The following ACLY variants were observed in gnomAD, a reference collection of about 807,000 sequenced individuals.
The protein encoded by ACLY is ATP-citrate synthase.
Under a neutral mutation model 133.0 loss-of-function variants are expected in ACLY, and 41 were observed. That is an observed-to-expected ratio of 0.31 (90% CI 0.24 to 0.40). The LOEUF (loss-of-function observed/expected upper bound fraction) is 0.40, where lower values mean the gene tolerates loss of function less well. ACLY is among the 10% of genes least tolerant of loss of function. The probability of loss-of-function intolerance (pLI) is 1.00; values close to 1 mark genes in which losing one functional copy is unlikely to be tolerated. For synonymous variants in ACLY, 495 were observed against 549.3 expected (o/e 0.90, Z 1.38); for missense variants, 1,046 against 1,453.8 (o/e 0.72, Z 4.56).
intron 22 of ACLY, among the ~76,000 whole-genome samples, chr17:41,876,105 C>A (rs1178081432): frequency 3.3e-5 from 5 of 150,962 alleles, no homozygotes; most frequent in African/African-American, 1.2e-4. Context: ...TGGCAACCGC[C>A]CCGTCTGAGA....
rs781911307 is a variant in ACLY at position 41,869,208 on chromosome 17, C to G, written c.3052-83G>C. 6 of 1,207,544 alleles carry G rather than the reference C, an allele frequency of 5.0e-6. No homozygotes were observed. In the South Asian group the frequency reaches 6.4e-5, roughly 13 times the overall value. The allele number at this position is 1,207,544 out of a possible 1,614,324, so 74.8% of individuals were successfully genotyped here. A position where few individuals can be genotyped will look rare whatever the true frequency, so the allele number is the denominator to read the frequency against. On this transcript the variant is annotated intron_variant, in intron 26 of 28. Transcript: ENST00000352035. ...TTTTCCACTGTCACTACTATTACTA[C>G]GAATTGTGACCATCATTTAAAAACC...
intron 14 of ACLY, among the ~76,000 whole-genome samples, chr17:41,893,579 G>A (rs977277741): frequency 3.9e-5 from 6 of 152,302 alleles, no homozygotes; most frequent in Admixed American, 6.5e-5. Flanking sequence ...TGCTTAGCTC[G>A]CCCAATTTTG....
At chr17:41,924,953 C>T (rs1301203594) in intron 1 of ACLY, among the ~76,000 whole-genome samples, 1 of 152,172 alleles carries the variant, frequency 6.6e-6, no homozygotes, top group Non-Finnish European at 1.5e-5. Context: ...AGAACCTGTG[C>T]AGCCCCTCCC....
At chr17:41,915,459 G>A (rs1470772126) in intron 1 of ACLY, among the ~76,000 whole-genome samples, 1 of 152,190 alleles carries the variant, frequency 6.6e-6, no homozygotes, top group Admixed American at 6.5e-5. Flanking sequence ...CATTCCAGGG[G>A]CTACATTGCG....
intron 2 of ACLY, 48 bp downstream of exon 2, chr17:41,913,667 T>A: frequency 6.3e-7 from 1 of 1,594,586 alleles, no homozygotes; most frequent in Non-Finnish European, 8.5e-7. Context: ...TTTCTCTTCC[T>A]CAGACCCCGG....
chr17:41,887,870 G>A (rs2049097662), intron 16 of ACLY, among the ~76,000 whole-genome samples, 167 bp from the exon 17 acceptor site: 1 of 152,116 alleles, frequency 6.6e-6, no homozygotes, highest in African/African-American at 2.4e-5. Context: ...GCTCATGCTT[G>A]TAATCCCAGC....
At chr17:41,908,742 C>A (rs1387099104) in intron 6 of ACLY, among the ~76,000 whole-genome samples, 2 of 152,218 alleles carry the variant, frequency 1.3e-5, no homozygotes, top group Non-Finnish European at 1.5e-5. Context: ...CCAGCCTGGG[C>A]GACAGGGCAA....
chr17:41,907,540 A>G lies in ACLY; in HGVS notation c.649T>C (p.Leu217=). The G allele has an allele frequency of 6.2e-7, 1 of 1,614,102 alleles. No individual in the cohort carries two copies. Among genetic ancestry groups the G allele is most frequent in the Non-Finnish European group, 8.5e-7 (1 of 1,180,000 alleles). The part of the protein sequence containing the change: ...VTKDGVYVLD[L]AAKVDATADY... ...GCAGTGGCGTCCACCTTGGCCGCCA[A>G]GTCAAGGACATAGACTCCATCTTTG... is the stretch of plus-strand genomic sequence containing the variant. The change falls in exon 7 of 29, where the codon TTG becomes CTG. Residue 217 remains leucine (L), a synonymous_variant. Coordinates refer to ENST00000352035, the MANE Select transcript of ACLY (RefSeq NM_001096.3).
At chr17:41,895,256 G>C (rs1447082738) in intron 14 of ACLY, among the ~76,000 whole-genome samples, 1 of 152,218 alleles carries the variant, frequency 6.6e-6, no homozygotes, top group Non-Finnish European at 1.5e-5. Context: ...CTCAGGGGAA[G>C]CCTGCATCAT....
intron 16 of ACLY, 135 bp from the exon 17 acceptor site, chr17:41,887,838 T>C: frequency 1.4e-6 from 1 of 704,914 alleles, no homozygotes; most frequent in South Asian, 1.6e-5. Flanking sequence ...GTTAACAATA[T>C]GCATATCAGC....
At chr17:41,894,923 A>T (rs1598009766) in intron 14 of ACLY, among the ~76,000 whole-genome samples, 2 of 152,288 alleles carry the variant, frequency 1.3e-5, no homozygotes, top group East Asian at 3.9e-4. Context: ...TCATGGTCTC[A>T]TTAAATCCCT....
chr17:41,919,453 TC>T (rs2050147263), upstream of ACLY, among the ~76,000 whole-genome samples: 1 of 152,336 alleles, frequency 6.6e-6, no homozygotes. Flanking sequence ...AGCAGCAGTG[TC>T]TGGCAGGCCG....
rs782129290 is a variant in ACLY at position 41,918,903 on chromosome 17, G to C, written c.-47C>G. 71 of 1,288,376 alleles carry C rather than the reference G, an allele frequency of 5.5e-5. No homozygotes were observed. Among genetic ancestry groups the C allele is most frequent in the Non-Finnish European group, 7.1e-5 (70 of 988,390 alleles). 79.8% of individuals were successfully genotyped at this position (1,288,376 alleles called of 1,614,324 possible). On this transcript the variant is annotated 5_prime_UTR_variant, in exon 1 of 29. Coordinates refer to ENST00000352035, the MANE Select transcript of ACLY (RefSeq NM_001096.3). ...ACCTCTGCCGAAGTCCGTGCGCGGC[G>C]CTTCTTCCACAGGCCCGACGAACCC...
At chr17:41,915,387 G>A (rs2050024285) in intron 1 of ACLY, among the ~76,000 whole-genome samples, 1 of 152,220 alleles carries the variant, frequency 6.6e-6, no homozygotes, top group South Asian at 2.1e-4. Context: ...GCAGAGTGAA[G>A]GAGCCGGCTT....
At chr17:41,910,796 A>G (rs1193675904) in intron 3 of ACLY, among the ~76,000 whole-genome samples, 1 of 152,168 alleles carries the variant, frequency 6.6e-6, no homozygotes, top group Admixed American at 6.5e-5. Flanking sequence ...AGAGCTAATC[A>G]GTTCGAGTGA....
intron 15 of ACLY, 59 bp downstream of exon 15, chr17:41,892,974 C>G: frequency 3.2e-6 from 5 of 1,577,606 alleles, no homozygotes; most frequent in Non-Finnish European, 4.3e-6. Context: ...CCACTGTGCC[C>G]AGCCCCAAGC....
chr17:41,898,432 A>G (rs2049434689), intron 12 of ACLY, among the ~76,000 whole-genome samples, 199 bp downstream of exon 12: 1 of 152,196 alleles, frequency 6.6e-6, no homozygotes, highest in Non-Finnish European at 1.5e-5. Flanking sequence ...ACTTGGATCC[A>G]ATTTTAAAAT....
intron 1 of ACLY, among the ~76,000 whole-genome samples, chr17:41,930,034 T>A (rs2050298270): frequency 6.6e-6 from 1 of 151,666 alleles, no homozygotes; most frequent in Non-Finnish European, 1.5e-5. Context: ...TTTGGAGGAG[T>A]GGTGATGGTG....
At chr17:41,869,377 T>C in intron 26 of ACLY, 97 bp downstream of exon 26, 1 of 1,050,690 alleles carries the variant, frequency 9.5e-7, no homozygotes, top group East Asian at 2.4e-5. Flanking sequence ...GAAAACTAGG[T>C]TTGCTTTTAG....
Sources: allele counts gnomAD v4.1 joint callset (sites outside exome capture counted in the v4.1 genomes callset), GRCh38; gene constraint gnomAD v4.1.1; transcripts MANE v1.5; gene names NCBI Gene and HGNC (gene_info 2026-07-23, HGNC 2026-07-21).